The following C3orf49 variants were observed in gnomAD, a reference collection of about 807,000 sequenced individuals.
C3orf49 encodes the protein chromosome 3 open reading frame 49.
In C3orf49, 27 loss-of-function variants were observed where a neutral mutation model predicts 13.3. The ratio of observed to expected loss-of-function variants is 2.02; its 90% CI spans 1.49 to 2.79. C3orf49 has a LOEUF of 2.79. Ranked by LOEUF, C3orf49 falls within the 30% of genes most tolerant of loss-of-function variation. The pLI, the probability that C3orf49 is intolerant of heterozygous loss-of-function variation, is 0.00. For missense variants in C3orf49, 242 were observed against 134.2 expected (o/e 1.80, Z -3.97); for synonymous variants, 87 against 47.6 (o/e 1.83, Z -3.40).
chr3:63,822,183 GCC>G (rs1219877497), intron 1 of C3orf49, among the ~76,000 whole-genome samples: 1 of 152,114 alleles, frequency 6.6e-6, no homozygotes, highest in Non-Finnish European at 1.5e-5. Flanking sequence ...CACCGTGTTA[GCC>G]AGGATGGTCT....
chr3:63,797,391 G>C, the C3orf49 span, among the ~76,000 whole-genome samples: 2 of 152,018 alleles, frequency 1.3e-5, no homozygotes, highest in African/African-American at 4.8e-5. Flanking sequence ...GAAAACTCTG[G>C]GATTATTTCA....
the C3orf49 span, among the ~76,000 whole-genome samples, chr3:63,784,312 C>A: frequency 1.3e-5 from 2 of 152,108 alleles, no homozygotes; most frequent in Non-Finnish European, 2.9e-5. Context: ...TTTATAAATA[C>A]CTTGCTTGTG....
Position 63,819,520 on chromosome 3 carries a change from A to G in C3orf49, c.49A>G (p.Arg17Gly), listed in dbSNP as rs1253665422. The change falls in exon 1 of 7, where the codon AGA becomes GGA. Residue 17 changes from arginine (R) to glycine (G), a missense_variant. By Grantham distance (125) the Arg-to-Gly change is moderately radical. Transcript: ENST00000295896. ...ACCAGAACCCTTTAAGATTGCCTACAGAAAAGTTGGACAGTGCCGAAGATT... is the reference window on the plus strand; with the variant it reads ...ACCAGAACCCTTTAAGATTGCCTACGGAAAAGTTGGACAGTGCCGAAGATT... ...YLPEPFKIAY[R>G]KVGQCRRFQQ... 1.4e-6 allele frequency: 1 copy of G among 703,078 alleles called. No homozygotes were observed. Among genetic ancestry groups the G allele is most frequent in the Admixed American group, 2.0e-5 (1 of 49,998 alleles). 43.6% of individuals were successfully genotyped at this position (703,078 alleles called of 1,614,324 possible). A position where few individuals can be genotyped will look rare whatever the true frequency, so the allele number is the denominator to read the frequency against.
chr3:63,816,213 C>G (rs1701323303), upstream of C3orf49, among the ~76,000 whole-genome samples: 1 of 150,622 alleles, frequency 6.6e-6, no homozygotes, highest in Non-Finnish European at 1.5e-5. Flanking sequence ...ATATTGGTGT[C>G]TGTGTCCTCC....
upstream of C3orf49, among the ~76,000 whole-genome samples, chr3:63,816,769 CTTT>C (rs543894356): frequency 1.0e-5 from 1 of 97,204 alleles, no homozygotes; most frequent in Admixed American, 1.6e-4. Context: ...CTTTTCTTTT[CTTT>C]TTTTTTTTTT....
At chr3:63,805,825 T>TA in the C3orf49 span, among the ~76,000 whole-genome samples, 27 of 152,162 alleles carry the variant, frequency 1.8e-4, no homozygotes, top group African/African-American at 4.8e-4. Flanking sequence ...TAAACATGCT[T>TA]AAAAAAAATT....
At chr3:63,788,725 A>G in the C3orf49 span, among the ~76,000 whole-genome samples, 1 of 150,952 alleles carries the variant, frequency 6.6e-6, no homozygotes, top group African/African-American at 2.5e-5. Context: ...CCCTATTACA[A>G]TTTAAAAAAA....
the C3orf49 span, among the ~76,000 whole-genome samples, chr3:63,789,751 C>T: frequency 1.3e-3 from 184 of 136,742 alleles, no homozygotes; most frequent in African/African-American, 4.9e-3. Flanking sequence ...GCAGAGGTTG[C>T]AGTGAGCCAA....
chr3:63,789,533 G>A, the C3orf49 span, among the ~76,000 whole-genome samples: 23 of 152,046 alleles, frequency 1.5e-4, no homozygotes, highest in Non-Finnish European at 2.6e-4. Flanking sequence ...ACAGGGGGCC[G>A]GGTGCAGTAG....
chr3:63,843,369 C>T (rs558612249), intron 5 of C3orf49, among the ~76,000 whole-genome samples: 22 of 151,490 alleles, frequency 1.5e-4, no homozygotes, highest in Non-Finnish European at 2.8e-4. Flanking sequence ...CCGCCTACCT[C>T]GGCCTCTCAA....
chr3:63,832,537 C>T (rs528334975), intron 5 of C3orf49, among the ~76,000 whole-genome samples: 2 of 152,014 alleles, frequency 1.3e-5, no homozygotes, highest in East Asian at 3.9e-4. Flanking sequence ...GATGTGTTGC[C>T]TGTAGTCCCA....
chr3:63,811,473 G>C, the C3orf49 span, among the ~76,000 whole-genome samples: 1,250 of 151,870 alleles, frequency 8.2e-3, 19 homozygotes, highest in African/African-American at 0.029. Context: ...AAGGAGAATG[G>C]TGTGAACTCG....
the C3orf49 span, among the ~76,000 whole-genome samples, chr3:63,801,640 A>T: frequency 1.3e-5 from 2 of 152,190 alleles, no homozygotes; most frequent in African/African-American, 2.4e-5. Flanking sequence ...TAGTACAGTT[A>T]AAGCTGTTAG....
At position 63,819,446 on chromosome 3, in the gene C3orf49, G is replaced by T. The variant is rs879021116; in HGVS notation, c.-26G>T. The stretch of plus-strand genomic sequence containing the variant: ...TTCAAGAACTAAAACAATCCAAAAC[G>T]GCTACTACAGGTGAAGTTGAGAGCA... On this transcript the variant is annotated 5_prime_UTR_variant, in exon 1 of 7. Transcript: ENST00000295896. 1.4e-6 allele frequency: 1 copy of T among 701,308 alleles called. No homozygotes were observed. The highest frequency in any genetic ancestry group is 1.8e-5 in the African/African-American group (1 of 57,118). 43.4% of individuals were successfully genotyped at this position (701,308 alleles called of 1,614,324 possible).
At chr3:63,803,013 A>G in the C3orf49 span, among the ~76,000 whole-genome samples, 8 of 152,288 alleles carry the variant, frequency 5.3e-5, no homozygotes, top group East Asian at 1.4e-3. Flanking sequence ...AGGAGAAAAC[A>G]TTTTACACCA....
intron 3 of C3orf49, among the ~76,000 whole-genome samples, chr3:63,829,794 C>CT (rs1162922426): frequency 5.3e-5 from 8 of 151,364 alleles, no homozygotes; most frequent in Non-Finnish European, 1.0e-4. Context: ...AACCCCATCT[C>CT]TACAAAAAAA....
upstream of C3orf49, among the ~76,000 whole-genome samples, chr3:63,815,529 G>A (rs1000387201): frequency 6.6e-6 from 1 of 152,016 alleles, no homozygotes; most frequent in African/African-American, 2.4e-5. Context: ...TCTTCTTCCT[G>A]CCCTCAGACA....
At chr3:63,835,235 A>T in intron 5 of C3orf49, 3 of 1,613,586 alleles carry the variant, frequency 1.9e-6, no homozygotes, top group Non-Finnish European at 2.5e-6. Flanking sequence ...TGTGTTAACA[A>T]GAAAAAAATT....
At chr3:63,803,505 A>T in the C3orf49 span, among the ~76,000 whole-genome samples, 1 of 152,200 alleles carries the variant, frequency 6.6e-6, no homozygotes, top group African/African-American at 2.4e-5. Context: ...CTGAAGCCAA[A>T]CCAGGCTAGA....
Sources: allele counts gnomAD v4.1 joint callset (sites outside exome capture counted in the v4.1 genomes callset), GRCh38; gene constraint gnomAD v4.1.1; transcripts MANE v1.5; gene names NCBI Gene and HGNC (gene_info 2026-07-23, HGNC 2026-07-21).